ANKS1B: variants seen among roughly 807,000 people sequenced by gnomAD.
The protein encoded by ANKS1B is ankyrin repeat and sterile alpha motif domain containing 1B, also known as ankyrin repeat and sterile alpha motif domain-containing protein 1B.
ANKS1B carries 36 observed loss-of-function variants against 148.3 expected under a neutral mutation model. The ratio of observed to expected loss-of-function variants is 0.24; its 90% CI spans 0.19 to 0.32. The LOEUF (loss-of-function observed/expected upper bound fraction) is 0.32, where lower values mean the gene tolerates loss of function less well. ANKS1B is among the 10% of genes least tolerant of loss of function. The pLI, the probability that ANKS1B is intolerant of heterozygous loss-of-function variation, is 1.00. For synonymous variants in ANKS1B, 542 were observed against 560.8 expected, an observed-to-expected ratio of 0.97 and a Z score of 0.47; for missense variants, 1,157 against 1,542.6, an observed-to-expected ratio of 0.75 and a Z score of 4.19.
chr12:99,060,753 A>C (rs773816194), intron 16 of ANKS1B, among the ~76,000 whole-genome samples: 1 of 150,792 alleles, frequency 6.6e-6, no homozygotes, highest in African/African-American at 2.4e-5. Flanking sequence ...TCTTTGCCTG[A>C]AGCCAGCATT....
chr12:99,133,554 C>G (rs1288774312), intron 15 of ANKS1B, among the ~76,000 whole-genome samples: 1 of 152,130 alleles, frequency 6.6e-6, no homozygotes, highest in South Asian at 2.1e-4. Flanking sequence ...TTTCTTTTCT[C>G]TCTCTTCAGT....
chr12:98,736,352 T>C (rs1162047717), intron 9 of ANKS1B, among the ~76,000 whole-genome samples: 6 of 152,170 alleles, frequency 3.9e-5, no homozygotes, highest in South Asian at 4.1e-4. Context: ...GATTTGCTGA[T>C]GGATTGGATA....
intron 4 of ANKS1B, among the ~76,000 whole-genome samples, chr12:99,787,996 A>G (rs1194749720): frequency 6.6e-6 from 1 of 152,196 alleles, no homozygotes; most frequent in African/African-American, 2.4e-5. Flanking sequence ...TCACCACTGC[A>G]CTGCAGGCTG....
chr12:99,312,199 C>G (rs1206878313), intron 12 of ANKS1B, among the ~76,000 whole-genome samples: 1 of 152,098 alleles, frequency 6.6e-6, no homozygotes, highest in Non-Finnish European at 1.5e-5. Context: ...TATGTTAGGG[C>G]CAGCAACCAG....
At position 99,455,425 on chromosome 12, in the gene ANKS1B, C is replaced by G. The variant is rs563900990; in HGVS notation, c.1439-11616G>C. 2.6e-5 allele frequency among the ~76,000 whole-genome samples: 4 copies of G among 152,310 alleles called. No individual in the cohort carries two copies. The South Asian group carries it at 8.3e-4, about 32-fold the overall frequency. On this transcript the variant is annotated intron_variant, in intron 10 of 26. Transcript: ENST00000683438. The stretch of plus-strand genomic sequence containing the variant: ...CTACCATAGGAACATACCAGGAAAG[C>G]AGAGAAAACCACAGACCCTTTGAAG...
intron 12 of ANKS1B, among the ~76,000 whole-genome samples, chr12:99,384,425 A>T (rs1359521032): frequency 6.6e-6 from 1 of 152,210 alleles, no homozygotes; most frequent in African/African-American, 2.4e-5. Context: ...CTGACAGCCT[A>T]CCACGTGCAA....
intron 9 of ANKS1B, among the ~76,000 whole-genome samples, chr12:98,736,021 C>A (rs955444344): frequency 1.3e-5 from 2 of 152,144 alleles, no homozygotes; most frequent in African/African-American, 4.8e-5. Context: ...AGCAGCCAGA[C>A]GGCCCATGTG....
intron 9 of ANKS1B, among the ~76,000 whole-genome samples, chr12:99,555,375 A>T (rs1180877763): frequency 1.3e-5 from 2 of 152,162 alleles, no homozygotes; most frequent in Non-Finnish European, 2.9e-5. Context: ...ATGGAATCAC[A>T]CACCTTCAAA....
intron 17 of ANKS1B, among the ~76,000 whole-genome samples, chr12:98,902,694 A>T: frequency 6.6e-6 from 1 of 152,224 alleles, no homozygotes; most frequent in Non-Finnish European, 1.5e-5. Context: ...CTGCATCTGT[A>T]AAATGAGGAT....
At chr12:98,759,254 T>C (rs74844730) in intron 25 of ANKS1B, among the ~76,000 whole-genome samples, 7,111 of 152,294 alleles carry the variant, frequency 0.047, 209 homozygotes, top group African/African-American at 0.088. Flanking sequence ...CAATCATGGA[T>C]ATTGAACATC....
At chr12:99,119,253 G>T (rs1303430790) in intron 15 of ANKS1B, among the ~76,000 whole-genome samples, 1 of 152,116 alleles carries the variant, frequency 6.6e-6, no homozygotes, top group Non-Finnish European at 1.5e-5. Flanking sequence ...AAATTGGAGT[G>T]ATGTGGGCAC....
At chr12:99,362,911 T>A (rs1210443623) in intron 12 of ANKS1B, among the ~76,000 whole-genome samples, 1 of 152,074 alleles carries the variant, frequency 6.6e-6, no homozygotes, top group Non-Finnish European at 1.5e-5. Flanking sequence ...ATGACTTAAT[T>A]AAGGGAATTA....
intron 1 of ANKS1B, among the ~76,000 whole-genome samples, chr12:99,871,106 G>A (rs1254326695): frequency 2.0e-5 from 3 of 152,104 alleles, no homozygotes; most frequent in Non-Finnish European, 4.4e-5. Flanking sequence ...TATGGTGAAA[G>A]GTAGGGGTCC....
chr12:99,541,550 G>A (rs1329203287), intron 9 of ANKS1B, among the ~76,000 whole-genome samples: 1 of 152,102 alleles, frequency 6.6e-6, no homozygotes, highest in Non-Finnish European at 1.5e-5. Context: ...GACACAGAGA[G>A]TGCATTTGAC....
intron 17 of ANKS1B, among the ~76,000 whole-genome samples, chr12:98,838,043 G>A (rs1040539802): frequency 9.2e-5 from 14 of 151,898 alleles, no homozygotes; most frequent in Admixed American, 6.6e-5. Flanking sequence ...TACCATTTTC[G>A]CCTTTTCTTC....
At chr12:99,716,678 T>C (rs1314197990) in intron 8 of ANKS1B, among the ~76,000 whole-genome samples, 1 of 152,114 alleles carries the variant, frequency 6.6e-6, no homozygotes, top group Non-Finnish European at 1.5e-5. Context: ...GTGCCTGACA[T>C]CCAGGCATTC....
intron 15 of ANKS1B, among the ~76,000 whole-genome samples, chr12:99,141,680 T>C (rs2070841342): frequency 6.6e-6 from 1 of 151,628 alleles, no homozygotes; most frequent in South Asian, 2.1e-4. Flanking sequence ...ACGGGCAGTG[T>C]TTGGTTTTCT....
rs1450769338 is a variant in ANKS1B, at chr12:98,801,228, A to G, written c.3142-103T>C. On this transcript the variant is annotated intron_variant, in intron 20 of 26. Coordinates refer to ENST00000683438, the MANE Select transcript of ANKS1B (RefSeq NM_001352186.2). The surrounding 1 kb of genome is among the most constrained non-coding windows in gnomAD (Gnocchi z 5.2). ...TACACACAGGTGCTGTGAATGTACCAAAATGCATTTGGGTGTCTTATGTGA... is the reference window on the plus strand; with the variant it reads ...TACACACAGGTGCTGTGAATGTACCGAAATGCATTTGGGTGTCTTATGTGA... 4.3e-6 allele frequency: 5 copies of G among 1,164,950 alleles called. No individual in the cohort carries two copies. Among genetic ancestry groups the G allele is most frequent in the Non-Finnish European group, 6.0e-6 (5 of 835,874 alleles). 72.2% of individuals were successfully genotyped at this position (1,164,950 alleles called of 1,614,324 possible). A position where few individuals can be genotyped will look rare whatever the true frequency, so the allele number is the denominator to read the frequency against.
At chr12:99,467,337 T>C in intron 10 of ANKS1B, among the ~76,000 whole-genome samples, 1 of 152,204 alleles carries the variant, frequency 6.6e-6, no homozygotes, top group Admixed American at 6.5e-5. Flanking sequence ...AATACCATAC[T>C]GAATGGGCAA....
Sources: gnomAD v4.1 joint callset for allele counts (sites outside exome capture counted in the v4.1 genomes callset) on GRCh38, gnomAD v4.1.1 for gene constraint, Gnocchi (gnomAD v3.1) non-coding constraint, MANE v1.5 for transcripts, NCBI Gene and HGNC (gene_info 2026-07-23, HGNC 2026-07-21) for gene names.